Variants in RGS7BP observed in about 807,000 individuals in gnomAD.
The protein encoded by RGS7BP is regulator of G protein signaling 7 binding protein, also known as regulator of G protein signaling 7-binding protein.
In RGS7BP, 9 loss-of-function variants were observed where a neutral mutation model predicts 31.3. The observed-to-expected ratio is 0.29, with a 90% CI of 0.17 to 0.50. RGS7BP has a LOEUF of 0.50. Among genes scored for constraint, RGS7BP ranks in the 20% least tolerant of loss-of-function variants. The pLI, the probability that RGS7BP is intolerant of heterozygous loss-of-function variation, is 0.98. For synonymous variants in RGS7BP, 115 were observed against 120.1 expected (o/e 0.96, Z 0.28); for missense variants, 274 against 322.0 (o/e 0.85, Z 1.14).
intron 2 of RGS7BP, among the ~76,000 whole-genome samples, chr5:64,540,340 A>G (rs1238844372): frequency 6.6e-6 from 1 of 152,150 alleles, no homozygotes; most frequent in African/African-American, 2.4e-5. Context: ...TTTTTCATTT[A>G]ACAGTATAAT....
chr5:64,534,033 T>G (rs986747699), intron 2 of RGS7BP, among the ~76,000 whole-genome samples: 4 of 152,128 alleles, frequency 2.6e-5, no homozygotes, highest in African/African-American at 9.7e-5. Flanking sequence ...AAGGATAATA[T>G]GAGAGCAAGT....
intron 2 of RGS7BP, among the ~76,000 whole-genome samples, chr5:64,542,797 C>T (rs1230643379): frequency 6.6e-6 from 1 of 152,192 alleles, no homozygotes; most frequent in Non-Finnish European, 1.5e-5. Flanking sequence ...TATAGCACAG[C>T]ATTTTCATCA....
rs947938158 is a variant in RGS7BP, at chr5:64,506,555, A to T, written c.-70A>T. ...CTCCGGCTGCTTGGCGGCGGCGCCC[A>T]GGGCAACAACCGGGCCGCCCGCGCC... is the stretch of plus-strand genomic sequence containing the variant. On this transcript the variant is annotated 5_prime_UTR_variant, in exon 1 of 6. Coordinates refer to ENST00000334025, the MANE Select transcript of RGS7BP (RefSeq NM_001029875.3). The surrounding 1 kb of genome is among the most constrained non-coding windows in gnomAD (Gnocchi z 4.6). 2 of 1,433,574 alleles carry T rather than the reference A, an allele frequency of 1.4e-6. No homozygotes were observed. The highest frequency in any genetic ancestry group is 2.1e-5 in the Admixed American group (1 of 47,874). The allele number at this position is 1,433,574 out of a possible 1,614,324, so 88.8% of individuals were successfully genotyped here.
intron 2 of RGS7BP, among the ~76,000 whole-genome samples, chr5:64,560,546 T>C (rs1045479257): frequency 1.4e-5 from 1 of 71,236 alleles, no homozygotes; most frequent in African/African-American, 9.0e-5. Flanking sequence ...TATCATTGTA[T>C]ATATATATAT....
intron 3 of RGS7BP, 83 bp from the exon 4 acceptor site, chr5:64,594,627 C>T (rs1743013087): frequency 7.3e-7 from 1 of 1,376,868 alleles, no homozygotes; most frequent in South Asian, 1.2e-5. Context: ...CATAGCCAAC[C>T]TTAGCACTGA....
At chr5:64,572,606 G>A (rs1013459538) in intron 2 of RGS7BP, among the ~76,000 whole-genome samples, 1 of 152,026 alleles carries the variant, frequency 6.6e-6, no homozygotes, top group Non-Finnish European at 1.5e-5. Flanking sequence ...GAGTGTATAT[G>A]TGACTTTGTT....
chr5:64,542,801 T>G (rs1741558484), intron 2 of RGS7BP, among the ~76,000 whole-genome samples: 1 of 152,234 alleles, frequency 6.6e-6, no homozygotes, highest in African/African-American at 2.4e-5. Flanking sequence ...GCACAGCATT[T>G]TCATCACAAG....
At chr5:64,572,626 A>T (rs2111891203) in intron 2 of RGS7BP, among the ~76,000 whole-genome samples, 1 of 152,232 alleles carries the variant, frequency 6.6e-6, no homozygotes, top group Non-Finnish European at 1.5e-5. Flanking sequence ...TAACCAGAAG[A>T]TTTATGATGC....
chr5:64,549,558 T>C (rs1741739757), intron 2 of RGS7BP, among the ~76,000 whole-genome samples: 1 of 152,226 alleles, frequency 6.6e-6, no homozygotes, highest in African/African-American at 2.4e-5. Flanking sequence ...TTTCTTCTTC[T>C]TGAAGAATAT....
At chr5:64,592,593 A>G (rs1742948561) in intron 3 of RGS7BP, among the ~76,000 whole-genome samples, 1 of 152,106 alleles carries the variant, frequency 6.6e-6, no homozygotes, top group South Asian at 2.1e-4. Context: ...GGAACATCAC[A>G]TTTCCTGGTG....
chr5:64,539,027 C>A (rs937300868), intron 2 of RGS7BP, among the ~76,000 whole-genome samples: 5 of 152,190 alleles, frequency 3.3e-5, no homozygotes, highest in African/African-American at 1.2e-4. Context: ...GTTTTAATGA[C>A]ATCTTCAGTA....
intron 2 of RGS7BP, among the ~76,000 whole-genome samples, chr5:64,517,902 A>G (rs1749015093): frequency 1.3e-5 from 2 of 151,782 alleles, no homozygotes; most frequent in Non-Finnish European, 2.9e-5. Context: ...TGAGATTGAG[A>G]CTCTTTAAAA....
intron 4 of RGS7BP, among the ~76,000 whole-genome samples, chr5:64,595,154 AT>A (rs1247661172): frequency 6.6e-6 from 1 of 152,296 alleles, no homozygotes; most frequent in East Asian, 1.9e-4. Context: ...TCCATGGAAA[AT>A]GAGAACAGTG....
Position 64,611,724 on chromosome 5 carries a change from C to T in RGS7BP, c.*2472C>T, listed in dbSNP as rs1743508775. On this transcript the variant is annotated 3_prime_UTR_variant, in exon 6 of 6. Transcript: ENST00000334025. ...AAAGATCCTCTTTCAGTAGCATATA[C>T]TAAAATTAAGTTTAGTGCTCAAAAC... 1.3e-5 allele frequency: 2 copies of T among 152,208 alleles called. 1 individual carries two copies. Among genetic ancestry groups the T allele is most frequent in the South Asian group, 4.1e-4 (2 of 4,828 alleles). The allele number at this position is 152,208 out of a possible 1,614,324, so 9.4% of individuals were successfully genotyped here.
chr5:64,575,876 G>C lies in RGS7BP; in HGVS notation c.435G>C (p.Leu145=), dbSNP rs747267722. The change falls in exon 3 of 6, where the codon CTG becomes CTC. Residue 145 remains leucine (L), a synonymous_variant. Transcript: ENST00000334025. ...YTTEMLKSIC[L]LGSLQFHRKG... ...CAGAGATGCTAAAATCCATATGTCT[G>C]CTGGGGTCTCTTCAGTTTCATCGAA... is the stretch of plus-strand genomic sequence containing the variant. 5 of 1,612,666 alleles carry C rather than the reference G, an allele frequency of 3.1e-6. No individual in the cohort carries two copies. The African/African-American group carries it at 4.0e-5, about 13-fold the overall frequency.
Position 64,575,689 on chromosome 5 carries a change from A to G in RGS7BP, c.333-85A>G, listed in dbSNP as rs1365901084. The G allele has an allele frequency of 2.7e-6, 4 of 1,499,206 alleles. No individual in the cohort carries two copies. The African/African-American group carries it at 5.7e-5, about 21-fold the overall frequency. The allele number at this position is 1,499,206 out of a possible 1,614,324, so 92.9% of individuals were successfully genotyped here. ...AGGCTTTAAGGAATCTTTATTGAGC[A>G]TTTTTCCCTCTCGGAGCTGAGACAA... is the stretch of plus-strand genomic sequence containing the variant. On this transcript the variant is annotated intron_variant, in intron 2 of 5. Coordinates refer to ENST00000334025, the MANE Select transcript of RGS7BP (RefSeq NM_001029875.3).
chr5:64,601,954 T>C (rs1436900363), intron 5 of RGS7BP, among the ~76,000 whole-genome samples: 2 of 152,204 alleles, frequency 1.3e-5, no homozygotes, highest in African/African-American at 4.8e-5. Flanking sequence ...GTCAGTATGT[T>C]CATTCTTGCA....
chr5:64,557,624 T>C lies in RGS7BP; in HGVS notation c.333-18150T>C, dbSNP rs1381217971. Among the ~76,000 whole-genome samples the C allele has an allele frequency of 4.4e-4, 67 of 152,190 alleles. 1 individual carries two copies. The highest frequency in any genetic ancestry group is 4.4e-3 in the Admixed American group (67 of 15,272). The stretch of plus-strand genomic sequence containing the variant: ...AATTTTAGTGATGTGAGCAGGAACA[T>C]GACTTTGTGTATCCCCTGCCTTTCC... On this transcript the variant is annotated intron_variant, in intron 2 of 5. Coordinates refer to ENST00000334025, the MANE Select transcript of RGS7BP (RefSeq NM_001029875.3).
chr5:64,531,201 G>A lies in RGS7BP; in HGVS notation c.332+23324G>A, dbSNP rs116834379. On this transcript the variant is annotated intron_variant, in intron 2 of 5. Transcript: ENST00000334025. ...TGGGGAGTCCCTCAATAGGAAGAAG[G>A]ATTGAATGTAAGACAACTAAAAAAA... Among the ~76,000 whole-genome samples, 628 of 152,294 alleles carry A rather than the reference G, an allele frequency of 4.1e-3. 5 individuals carry two copies. The highest frequency in any genetic ancestry group is 0.014 in the African/African-American group (594 of 41,562).
Sources: allele counts gnomAD v4.1 joint callset (sites outside exome capture counted in the v4.1 genomes callset), GRCh38; gene constraint gnomAD v4.1.1; non-coding constraint Gnocchi (gnomAD v3.1); transcripts MANE v1.5; gene names NCBI Gene and HGNC (gene_info 2026-07-23, HGNC 2026-07-21).